API5: variants seen among roughly 807,000 people sequenced by gnomAD.
API5 encodes the protein apoptosis inhibitor 5.
API5 carries 6 observed loss-of-function variants against 71.9 expected under a neutral mutation model. The observed-to-expected ratio is 0.08, with a 90% CI of 0.05 to 0.16. API5 has a LOEUF of 0.16. Ranked by LOEUF, API5 falls within the 10% of genes least tolerant of loss-of-function variation. API5 has a pLI of 1.00. For missense variants in API5, 332 were observed against 612.8 expected (o/e 0.54, Z 4.84); for synonymous variants, 189 against 221.3 (o/e 0.85, Z 1.30).
At chr11:43,313,584 G>GA (rs569183342) in intron 1 of API5, among the ~76,000 whole-genome samples, 59 of 144,878 alleles carry the variant, frequency 4.1e-4, no homozygotes, top group African/African-American at 7.8e-4. Flanking sequence ...TGAGCTGAAC[G>GA]AAAAAAAAAA....
intron 1 of API5, among the ~76,000 whole-genome samples, chr11:43,318,245 G>C (rs1854743908): frequency 6.6e-6 from 1 of 151,832 alleles, no homozygotes; most frequent in Admixed American, 6.6e-5. Flanking sequence ...CTGACCTCAG[G>C]TGATCCACCC....
intron 1 of API5, 151 bp downstream of exon 1, chr11:43,312,347 T>G: frequency 2.5e-6 from 2 of 799,018 alleles, no homozygotes; most frequent in South Asian, 1.7e-5. Flanking sequence ...GGGGTGGGCC[T>G]CTCTGGGAGT....
chr11:43,319,439 T>C (rs1388624284), intron 2 of API5, among the ~76,000 whole-genome samples: 1 of 152,196 alleles, frequency 6.6e-6, no homozygotes, highest in East Asian at 1.9e-4. Flanking sequence ...CTTTTTTTGC[T>C]TTTTTAATAG....
rs964096130 is a variant in API5, at chr11:43,342,281, G to A, written c.1493-147G>A. ...TATGTTGTTCTTGTTTTATGTACAG[G>A]CTAAATTTGTAGATTGAATAGCAGA... is the stretch of plus-strand genomic sequence containing the variant. On this transcript the variant is annotated intron_variant, in intron 13 of 13. Transcript: ENST00000531273. The A allele has an allele frequency of 1.4e-5, 9 of 651,726 alleles. No individual in the cohort carries two copies. In the African/African-American group the frequency reaches 1.6e-4, roughly 12 times the overall value. The allele number at this position is 651,726 out of a possible 1,614,324, so 40.4% of individuals were successfully genotyped here.
At position 43,312,193 on chromosome 11, in the gene API5, C is replaced by T. The variant is rs1163528526; in HGVS notation, c.66C>T (p.Gly22=). ...TGGCCGATGCCACGGAGCAAGTGGG[C>T]CAGGTGAGTTGAGTCCCCGGGCGGC... ...GILADATEQV[G]QHKDAYQVIL... Residue 22 remains glycine, a synonymous_variant, in exon 1 of 14, where the codon GGC becomes GGT. Transcript: ENST00000531273. 8 of 1,613,608 alleles carry T rather than the reference C, an allele frequency of 5.0e-6. No individual in the cohort carries two copies. The highest frequency in any genetic ancestry group is 5.9e-6 in the Non-Finnish European group (7 of 1,179,798).
chr11:43,312,081 G>C lies in API5; in HGVS notation c.-47G>C. ...GAAGTTCCGAGGCGGCGGTGGCGCC[G>C]GTCAGGACAAGGATAGCGGAACCGG... On this transcript the variant is annotated 5_prime_UTR_variant, in exon 1 of 14. Transcript: ENST00000531273. 1.2e-6 allele frequency: 2 copies of C among 1,605,506 alleles called. No homozygotes were observed. The highest frequency in any genetic ancestry group is 1.7e-6 in the Non-Finnish European group (2 of 1,174,280).
At chr11:43,325,410 A>G (rs1855037879) in intron 6 of API5, among the ~76,000 whole-genome samples, 1 of 152,242 alleles carries the variant, frequency 6.6e-6, no homozygotes, top group African/African-American at 2.4e-5. Context: ...AGAAGGGACA[A>G]GACAACGTCA....
At chr11:43,340,828 C>T (rs1855586402) in intron 13 of API5, among the ~76,000 whole-genome samples, 1 of 152,056 alleles carries the variant, frequency 6.6e-6, no homozygotes, top group Middle Eastern at 3.2e-3. Flanking sequence ...AGACCTAAAA[C>T]AATAAAACTA....
In API5 at chr11:43,329,024, G is replaced by T. The variant is rs559432636; in HGVS notation, c.1127+131G>T. Reference sequence around the variant, plus strand: ...CCAGTGATACAGATTGGAGGGTTCAGAAAATGGGCATGTTTGTAAACATAT... The same window carrying T: ...CCAGTGATACAGATTGGAGGGTTCATAAAATGGGCATGTTTGTAAACATAT... On this transcript the variant is annotated intron_variant, in intron 9 of 13. Transcript: ENST00000531273. 7 of 874,892 alleles carry T rather than the reference G, an allele frequency of 8.0e-6. No individual in the cohort carries two copies. In the East Asian group the frequency reaches 1.6e-4, roughly 20 times the overall value. The allele number at this position is 874,892 out of a possible 1,614,324, so 54.2% of individuals were successfully genotyped here. A position where few individuals can be genotyped will look rare whatever the true frequency, so the allele number is the denominator to read the frequency against.
At chr11:43,324,103 T>G (rs1369556762) in intron 6 of API5, among the ~76,000 whole-genome samples, 1 of 152,008 alleles carries the variant, frequency 6.6e-6, no homozygotes, top group Non-Finnish European at 1.5e-5. Flanking sequence ...CTGCAGCTTC[T>G]ACCTCCCAGG....
In API5 at chr11:43,342,673, A is replaced by G. The variant is rs1454023902; in HGVS notation, c.*163A>G. On this transcript the variant is annotated 3_prime_UTR_variant, in exon 14 of 14. Transcript: ENST00000531273. ...GTATGACCTACTTTTGTAACAGACC[A>G]TGGTTGTGTCCAAGGTAAAACCACA... The G allele has an allele frequency of 6.6e-6, 5 of 759,292 alleles. No individual in the cohort carries two copies. The East Asian group carries it at 1.1e-4, about 16-fold the overall frequency. 47.0% of individuals were successfully genotyped at this position (759,292 alleles called of 1,614,324 possible).
At chr11:43,328,997 C>G (rs562321000) in intron 9 of API5, 104 bp downstream of exon 9, 3 of 1,158,500 alleles carry the variant, frequency 2.6e-6, no homozygotes, top group African/African-American at 1.6e-5. Context: ...TCCTGCCTTA[C>G]CCCAGTGATA....
At chr11:43,338,737 A>G (rs1855518709) in intron 13 of API5, among the ~76,000 whole-genome samples, 1 of 151,800 alleles carries the variant, frequency 6.6e-6, no homozygotes, top group African/African-American at 2.4e-5. Flanking sequence ...TAATTTCCTC[A>G]TTAGGTACAG....
intron 11 of API5, 91 bp downstream of exon 11, chr11:43,330,655 A>G: frequency 9.9e-7 from 1 of 1,011,402 alleles, no homozygotes; most frequent in Non-Finnish European, 1.5e-6. Flanking sequence ...ACTTCCAACA[A>G]AGGGAGGCAT....
chr11:43,320,847 G>T lies in API5; in HGVS notation c.258G>T (p.Leu86=), dbSNP rs1289380037. Residue 86 remains leucine (L), a synonymous_variant, in exon 3 of 14, where the codon CTG becomes CTT. Coordinates refer to ENST00000531273, the MANE Select transcript of API5 (RefSeq NM_001142930.2). ...VSIRRQAIKE[L]PQFATGENLP... ...TTCGACGTCAAGCAATTAAAGAACT[G>T]CCTCAATTTGCCACTGGAGAAAATC... 3 of 1,611,912 alleles carry T rather than the reference G, an allele frequency of 1.9e-6. No homozygotes were observed. The highest frequency in any genetic ancestry group is 1.7e-6 in the Non-Finnish European group (2 of 1,179,996).
At chr11:43,326,103 T>C (rs769582074) in intron 6 of API5, among the ~76,000 whole-genome samples, 1 of 152,138 alleles carries the variant, frequency 6.6e-6, no homozygotes, top group Non-Finnish European at 1.5e-5. Context: ...TTTTGTTGCC[T>C]AATCTTAAAA....
chr11:43,324,473 G>A (rs151177345), intron 6 of API5, among the ~76,000 whole-genome samples: 1 of 152,270 alleles, frequency 6.6e-6, no homozygotes, highest in Non-Finnish European at 1.5e-5. Context: ...TCCTAGAGCA[G>A]GCGTGGTGGC....
intron 13 of API5, among the ~76,000 whole-genome samples, chr11:43,338,592 AAAG>A (rs935231048): frequency 2.9e-4 from 44 of 151,922 alleles, no homozygotes; most frequent in African/African-American, 1.1e-3. Flanking sequence ...AGCTCTTCAA[AAAG>A]AAGAAAATTT....
intron 11 of API5, chr11:43,332,069 C>T (rs1280003812): frequency 6.6e-6 from 1 of 152,126 alleles, no homozygotes; most frequent in Non-Finnish European, 1.5e-5. Flanking sequence ...ATGTTCTTTT[C>T]AAGAATCTGT....
Sources: gnomAD v4.1 joint callset for allele counts (sites outside exome capture counted in the v4.1 genomes callset) on GRCh38, gnomAD v4.1.1 for gene constraint, MANE v1.5 for transcripts, NCBI Gene and HGNC (gene_info 2026-07-23, HGNC 2026-07-21) for gene names.